The following PCMTD1 variants were observed in gnomAD, a reference collection of about 807,000 sequenced individuals.
PCMTD1 encodes the protein protein-L-isoaspartate (D-aspartate) O-methyltransferase domain containing 1, also known as protein-L-isoaspartate O-methyltransferase domain-containing protein 1.
A neutral mutation model predicts 37.6 loss-of-function variants in PCMTD1; 12 were observed. The ratio of observed to expected loss-of-function variants is 0.32; its 90% CI spans 0.20 to 0.52. PCMTD1 has a LOEUF of 0.52. PCMTD1 is among the 20% of genes least tolerant of loss of function. The pLI is 0.97. For synonymous variants in PCMTD1, 117 were observed against 135.8 expected (o/e 0.86, Z 0.96); for missense variants, 235 against 421.3 (o/e 0.56, Z 3.87).
intron 3 of PCMTD1, among the ~76,000 whole-genome samples, chr8:51,840,044 A>AT (rs1454636995): frequency 6.6e-6 from 1 of 152,188 alleles, no homozygotes; most frequent in African/African-American, 2.4e-5. Context: ...TTTAATTACA[A>AT]TTTTTTGAAA....
chr8:51,897,071 A>C (rs1023368414), intron 1 of PCMTD1, among the ~76,000 whole-genome samples: 1 of 152,228 alleles, frequency 6.6e-6, no homozygotes, highest in African/African-American at 2.4e-5. Context: ...AAATCATAAA[A>C]TACTACACAA....
intron 1 of PCMTD1, among the ~76,000 whole-genome samples, chr8:51,889,372 T>C (rs781040315): frequency 6.6e-6 from 1 of 152,222 alleles, no homozygotes; most frequent in Non-Finnish European, 1.5e-5. Flanking sequence ...TTAACTCATT[T>C]AAGTCTTCAT....
chr8:51,821,085 A>G (rs1219239615), intron 5 of PCMTD1, among the ~76,000 whole-genome samples: 1 of 146,224 alleles, frequency 6.8e-6, no homozygotes, highest in Non-Finnish European at 1.5e-5. Context: ...TGTATAAATC[A>G]TATGAAAAGT....
chr8:51,899,065 G>A (rs549931514), upstream of PCMTD1: 128 of 1,502,196 alleles, frequency 8.5e-5, 2 homozygotes, highest in African/African-American at 1.5e-3. Context: ...CCCGCGACTG[G>A]AGCAGCCAGA....
chr8:51,864,604 T>C (rs572189558), intron 1 of PCMTD1, among the ~76,000 whole-genome samples: 1 of 152,082 alleles, frequency 6.6e-6, no homozygotes, highest in South Asian at 2.1e-4. Context: ...ATAAACAATA[T>C]GCTCCTGAAA....
intron 2 of PCMTD1, 76 bp downstream of exon 2, chr8:51,860,769 A>G (rs890119254): frequency 7.2e-6 from 9 of 1,246,540 alleles, no homozygotes; most frequent in South Asian, 1.6e-5. Context: ...ACACAAAGTT[A>G]CAACTCCTAT....
At chr8:51,844,796 TTGA>T (rs1252152676) in intron 3 of PCMTD1, 1 of 152,192 alleles carries the variant, frequency 6.6e-6, no homozygotes, top group Non-Finnish European at 1.5e-5. Context: ...CCTCAAGTTG[TTGA>T]TGGTCATAGC....
intron 1 of PCMTD1, among the ~76,000 whole-genome samples, chr8:51,890,049 G>A (rs962629449): frequency 2.0e-5 from 3 of 149,784 alleles, no homozygotes; most frequent in African/African-American, 7.3e-5. Flanking sequence ...TAAATAATGA[G>A]GTAATTAAAC....
intron 3 of PCMTD1, among the ~76,000 whole-genome samples, chr8:51,834,902 T>A (rs899047288): frequency 6.6e-6 from 1 of 152,132 alleles, no homozygotes; most frequent in Non-Finnish European, 1.5e-5. Flanking sequence ...TGTACTATTG[T>A]CTTCATGCCC....
chr8:51,870,363 A>G (rs2038620962), intron 1 of PCMTD1: 1 of 152,208 alleles, frequency 6.6e-6, no homozygotes, highest in Non-Finnish European at 1.5e-5. Flanking sequence ...GCAACTATAC[A>G]GTGAAAAAAT....
intron 3 of PCMTD1, among the ~76,000 whole-genome samples, chr8:51,843,176 CAA>C (rs35181880): frequency 0.28 from 41,816 of 150,302 alleles, 10,894 homozygotes; most frequent in African/African-American, 0.69. Context: ...ACAAAAGGAA[CAA>C]AAAAAAAAAC....
At chr8:51,840,162 T>C (rs2038125589) in intron 3 of PCMTD1, among the ~76,000 whole-genome samples, 1 of 152,218 alleles carries the variant, frequency 6.6e-6, no homozygotes, top group Admixed American at 6.6e-5. Context: ...ATACAGTTAC[T>C]GTTCATTAAA....
At chr8:51,840,177 G>A (rs1392525391) in intron 3 of PCMTD1, among the ~76,000 whole-genome samples, 1 of 152,094 alleles carries the variant, frequency 6.6e-6, no homozygotes, top group Non-Finnish European at 1.5e-5. Context: ...ATTAAAGAAA[G>A]CATCAGAGAA....
intron 3 of PCMTD1, among the ~76,000 whole-genome samples, chr8:51,834,010 A>G (rs1205638171): frequency 2.0e-5 from 3 of 152,176 alleles, no homozygotes; most frequent in Non-Finnish European, 4.4e-5. Context: ...CCAAAATAAC[A>G]TAACAATGAG....
At chr8:51,882,094 G>A (rs1215443976) in intron 1 of PCMTD1, among the ~76,000 whole-genome samples, 1 of 152,142 alleles carries the variant, frequency 6.6e-6, no homozygotes, top group Non-Finnish European at 1.5e-5. Context: ...TAGACTGGGT[G>A]CCTTAAACAA....
At chr8:51,866,354 C>T (rs2038555254) in intron 1 of PCMTD1, among the ~76,000 whole-genome samples, 1 of 151,722 alleles carries the variant, frequency 6.6e-6, no homozygotes, top group Non-Finnish European at 1.5e-5. Context: ...AACTAGAGGC[C>T]TCACATTATC....
intron 3 of PCMTD1, among the ~76,000 whole-genome samples, chr8:51,839,227 C>CA (rs1385961471): frequency 3.3e-5 from 5 of 151,890 alleles, no homozygotes; most frequent in African/African-American, 1.2e-4. Context: ...ATAATAACCA[C>CA]AAAATCATTC....
intron 1 of PCMTD1, among the ~76,000 whole-genome samples, chr8:51,882,894 G>A (rs1017863059): frequency 3.3e-5 from 5 of 150,890 alleles, no homozygotes; most frequent in African/African-American, 9.7e-5. Flanking sequence ...TTGGGAGGCC[G>A]AGGCAGGCGG....
At chr8:51,846,982 A>T (rs2038231065) in intron 2 of PCMTD1, among the ~76,000 whole-genome samples, 1 of 152,380 alleles carries the variant, frequency 6.6e-6, no homozygotes, top group Non-Finnish European at 1.5e-5. Context: ...TCATCAAACC[A>T]CAACAGAATT....
Sources: gnomAD v4.1 joint callset for allele counts (sites outside exome capture counted in the v4.1 genomes callset) on GRCh38, gnomAD v4.1.1 for gene constraint, MANE v1.5 for transcripts, NCBI Gene and HGNC (gene_info 2026-07-23, HGNC 2026-07-21) for gene names.